Variants in PPFIBP1 observed in about 807,000 individuals in gnomAD.
PPFIBP1 encodes the protein PPFIB scaffold protein 1.
In PPFIBP1, 112 loss-of-function variants were observed where a neutral mutation model predicts 137.8. The ratio of observed to expected loss-of-function variants is 0.81; its 90% CI spans 0.70 to 0.95. The LOEUF (loss-of-function observed/expected upper bound fraction) is 0.95. Among genes scored for constraint, PPFIBP1 ranks in the 40% least tolerant of loss-of-function variants. The pLI is 0.00. For missense variants in PPFIBP1, 1,083 were observed against 1,196.6 expected, an observed-to-expected ratio of 0.91 and a Z score of 1.40; for synonymous variants, 378 against 417.3, an observed-to-expected ratio of 0.91 and a Z score of 1.15.
intron 1 of PPFIBP1, among the ~76,000 whole-genome samples, chr12:27,568,121 A>G (rs2136577879): frequency 6.6e-6 from 1 of 152,298 alleles, no homozygotes; most frequent in East Asian, 1.9e-4. Flanking sequence ...ACTACATGGC[A>G]TGGACCCATA....
chr12:27,674,341 C>A, intron 17 of PPFIBP1, 120 bp downstream of exon 17: 1 of 640,892 alleles, frequency 1.6e-6, no homozygotes, highest in Non-Finnish European at 2.6e-6. Flanking sequence ...CTAAATGAAG[C>A]CAGACACAAA....
Position 27,590,940 on chromosome 12 carries a change from G to A in PPFIBP1, c.-36+12701G>A, listed in dbSNP as rs138318797. ...GCAGTTAGAAGTTGGGGAACAGGAA[G>A]CCTTTTACAACCAACCTCCCCTTGC... On this transcript the variant is annotated intron_variant, in intron 2 of 29. Transcript: ENST00000228425. 4.0e-3 allele frequency among the ~76,000 whole-genome samples: 614 copies of A among 152,212 alleles called. 7 individuals carry two copies. The highest frequency in any genetic ancestry group is 0.014 in the African/African-American group (581 of 41,542).
chr12:27,605,135 G>A (rs780649728), intron 2 of PPFIBP1, among the ~76,000 whole-genome samples: 20 of 152,162 alleles, frequency 1.3e-4, no homozygotes, highest in Non-Finnish European at 2.8e-4. Flanking sequence ...AAGCATTTAT[G>A]GTGGCCTACC....
intron 2 of PPFIBP1, chr12:27,593,672 C>T (rs894390036): frequency 1.6e-5 from 9 of 552,548 alleles, no homozygotes; most frequent in Admixed American, 1.3e-4. Flanking sequence ...ATAGTTTTGT[C>T]CTCTCTTTTG....
At chr12:27,670,786 A>ATAATAATAATAAT (rs60342009) in intron 13 of PPFIBP1, among the ~76,000 whole-genome samples, 1 of 139,062 alleles carries the variant, frequency 7.2e-6, no homozygotes, top group South Asian at 2.4e-4. Context: ...CTCAAAAAAA[A>ATAATAATAATAAT]AAAAAAAAAA....
intron 27 of PPFIBP1, 117 bp from the exon 28 acceptor site, chr12:27,691,632 T>C (rs2061551710): frequency 1.5e-6 from 1 of 688,680 alleles, no homozygotes. Context: ...GGTAAATAAT[T>C]AAATTATACA....
Position 27,677,073 on chromosome 12 carries a change from G to A in PPFIBP1, c.1592G>A (p.Arg531Gln), listed in dbSNP as rs921769876. ...TASAPNLDRK[R>Q]SASAPTLAET... is the part of the protein sequence containing the mutation. ...GTTGGGATATCTGAAGATCGTAAAC[G>A]AAGTGCCAGTGCACCCACCCTAGGT... Residue 531 changes from arginine (R) to glutamine (Q), a missense_variant, in exon 19 of 30, where the codon CGA (arginine) becomes CAA (glutamine). Coordinates refer to ENST00000228425, the MANE Select transcript of PPFIBP1 (RefSeq NM_003622.4). 4 of 1,614,144 alleles carry A rather than the reference G, an allele frequency of 2.5e-6. No homozygotes were observed. The highest frequency in any genetic ancestry group is 2.5e-6 in the Non-Finnish European group (3 of 1,180,018).
At chr12:27,657,986 T>C (rs2059316081) in intron 9 of PPFIBP1, among the ~76,000 whole-genome samples, 1 of 151,524 alleles carries the variant, frequency 6.6e-6, no homozygotes, top group African/African-American at 2.4e-5. Context: ...AAATTTCAAA[T>C]TTCACCAGGC....
In PPFIBP1 at chr12:27,634,286, C is replaced by T. The variant is rs576021043; in HGVS notation, c.65-624C>T. Among the ~76,000 whole-genome samples the T allele has an allele frequency of 7.9e-5, 12 of 152,094 alleles. No homozygotes were observed. The South Asian group carries it at 2.5e-3, about 32-fold the overall frequency. On this transcript the variant is annotated intron_variant, in intron 3 of 29. Transcript: ENST00000228425. ...CTGTGCTCAAGCAATCTTCACACCT[C>T]AAGTACCTGCGATTACAGGCACACG...
intron 24 of PPFIBP1, 89 bp from the exon 25 acceptor site, chr12:27,687,296 C>G: frequency 6.7e-7 from 1 of 1,484,952 alleles, no homozygotes. Flanking sequence ...GGGCTCTTCT[C>G]CTTTTACTCC....
chr12:27,687,274 T>G lies in PPFIBP1; in HGVS notation c.2248-111T>G. The stretch of plus-strand genomic sequence containing the variant: ...TGGGTTCTGACAAGACCTTGGGGCA[T>G]ATTGGTTTGAGGGGCTCTTCTCCTT... On this transcript the variant is annotated intron_variant, in intron 24 of 29. Coordinates refer to ENST00000228425, the MANE Select transcript of PPFIBP1 (RefSeq NM_003622.4). 5 of 1,284,144 alleles carry G rather than the reference T, an allele frequency of 3.9e-6. No homozygotes were observed. The East Asian group carries it at 7.7e-5, about 20-fold the overall frequency. 79.5% of individuals were successfully genotyped at this position (1,284,144 alleles called of 1,614,324 possible).
chr12:27,563,805 G>A (rs1450296064), intron 1 of PPFIBP1, among the ~76,000 whole-genome samples: 6 of 152,088 alleles, frequency 3.9e-5, no homozygotes, highest in African/African-American at 1.4e-4. Context: ...TTAACATAAA[G>A]GGACTTAAGG....
At chr12:27,570,323 C>T (rs897474745) in intron 1 of PPFIBP1, among the ~76,000 whole-genome samples, 6 of 152,052 alleles carry the variant, frequency 3.9e-5, no homozygotes, top group Non-Finnish European at 8.8e-5. Flanking sequence ...TACTATTCTG[C>T]CTATTTGTTG....
At chr12:27,541,474 A>T (rs1003222219) in intron 1 of PPFIBP1, among the ~76,000 whole-genome samples, 7 of 152,154 alleles carry the variant, frequency 4.6e-5, no homozygotes, top group African/African-American at 1.7e-4. Flanking sequence ...TGTGTTAGGC[A>T]TGTGTTGAGT....
chr12:27,567,291 A>C (rs2049762255), intron 1 of PPFIBP1, among the ~76,000 whole-genome samples: 1 of 152,222 alleles, frequency 6.6e-6, no homozygotes, highest in Admixed American at 6.5e-5. Flanking sequence ...AGATCTATCA[A>C]CCAACCACAG....
intron 2 of PPFIBP1, among the ~76,000 whole-genome samples, chr12:27,612,337 T>TTTTG (rs1309774281): frequency 4.9e-5 from 7 of 142,446 alleles, no homozygotes; most frequent in Non-Finnish European, 9.3e-5. Flanking sequence ...TGTTTTTTTT[T>TTTTG]TTTTTTTTTT....
In PPFIBP1 at chr12:27,679,634, T is replaced by C. The variant is rs779844630; in HGVS notation, c.1761T>C (p.Phe587=). ...KKKSRGIMKL[F]GKLRRSQSTT... is the part of the protein sequence containing the mutation. ...AATCCAGAGGTATCATGAAACTCTTTGGAAAGTAAGTAAAGCAGTAAACAA... is the reference window on the plus strand; with the variant it reads ...AATCCAGAGGTATCATGAAACTCTTCGGAAAGTAAGTAAAGCAGTAAACAA... Residue 587 remains phenylalanine, a synonymous_variant, in exon 20 of 30, where the codon TTT becomes TTC. Coordinates refer to ENST00000228425, the MANE Select transcript of PPFIBP1 (RefSeq NM_003622.4). 2.5e-6 allele frequency: 4 copies of C among 1,613,676 alleles called. No homozygotes were observed. Among genetic ancestry groups the C allele is most frequent in the East Asian group, 2.2e-5 (1 of 44,876 alleles).
intron 1 of PPFIBP1, among the ~76,000 whole-genome samples, chr12:27,565,007 G>A (rs2049521511): frequency 6.6e-6 from 1 of 152,184 alleles, no homozygotes; most frequent in African/African-American, 2.4e-5. Context: ...CTAATTAATA[G>A]ACAGCAGTCC....
chr12:27,546,275 C>T (rs907095065), intron 1 of PPFIBP1, among the ~76,000 whole-genome samples: 1 of 152,200 alleles, frequency 6.6e-6, no homozygotes, highest in African/African-American at 2.4e-5. Context: ...TTGGGCAAGT[C>T]ACTTAAGCAG....
Sources: gnomAD v4.1 joint callset for allele counts (sites outside exome capture counted in the v4.1 genomes callset) on GRCh38, gnomAD v4.1.1 for gene constraint, MANE v1.5 for transcripts, NCBI Gene and HGNC (gene_info 2026-07-23, HGNC 2026-07-21) for gene names.